The following DAPK1 variants were observed in gnomAD, a reference collection of about 807,000 sequenced individuals.
DAPK1 encodes death-associated protein kinase 1.
Under a neutral mutation model 144.9 loss-of-function variants are expected in DAPK1, and 56 were observed. The observed-to-expected ratio is 0.39, with a 90% CI of 0.31 to 0.48. The LOEUF (loss-of-function observed/expected upper bound fraction) is 0.48, where lower values mean the gene tolerates loss of function less well. Among genes scored for constraint, DAPK1 ranks in the 20% least tolerant of loss-of-function variants. DAPK1 has a pLI of 0.95. For missense variants in DAPK1, 1,454 were observed against 1,875.4 expected (o/e 0.78, Z 4.15); for synonymous variants, 690 against 749.0 (o/e 0.92, Z 1.29).
At chr9:87,622,045 T>C (rs1829313073) in intron 3 of DAPK1, among the ~76,000 whole-genome samples, 1 of 136,108 alleles carries the variant, frequency 7.3e-6, no homozygotes, top group Non-Finnish European at 1.5e-5. Flanking sequence ...TCATGCTGGC[T>C]GCCTTGCACT....
intron 3 of DAPK1, among the ~76,000 whole-genome samples, chr9:87,633,757 A>G (rs1286045751): frequency 1.3e-5 from 2 of 152,204 alleles, no homozygotes; most frequent in Admixed American, 1.3e-4. Flanking sequence ...TGAGCCTAGT[A>G]AACAAGCCCA....
chr9:87,582,133 T>TC (rs1827773318), intron 2 of DAPK1, among the ~76,000 whole-genome samples: 1 of 151,932 alleles, frequency 6.6e-6, no homozygotes, highest in Non-Finnish European at 1.5e-5. Flanking sequence ...TCTCCTCCGG[T>TC]CTTTTTTTTT....
intron 3 of DAPK1, among the ~76,000 whole-genome samples, chr9:87,620,448 C>T (rs961541881): frequency 6.6e-6 from 1 of 152,142 alleles, no homozygotes; most frequent in Non-Finnish European, 1.5e-5. Context: ...GCAGCACATC[C>T]TTCGGATCAG....
chr9:87,656,734 G>A (rs1195848561), intron 17 of DAPK1, among the ~76,000 whole-genome samples: 5 of 152,170 alleles, frequency 3.3e-5, no homozygotes, highest in East Asian at 1.9e-4. Flanking sequence ...GATCCCTCCC[G>A]TTACAGGCAT....
chr9:87,691,689 A>G (rs930686462), intron 21 of DAPK1, among the ~76,000 whole-genome samples: 1 of 151,734 alleles, frequency 6.6e-6, no homozygotes, highest in Non-Finnish European at 1.5e-5. Context: ...TTTGATTTTC[A>G]TTTGTTTCAA....
chr9:87,509,749 A>C (rs1042123775), intron 2 of DAPK1, among the ~76,000 whole-genome samples: 1 of 152,238 alleles, frequency 6.6e-6, no homozygotes, highest in Non-Finnish European at 1.5e-5. Flanking sequence ...AAGTCTCTAC[A>C]GTCAGTGTGT....
Position 87,635,360 on chromosome 9 carries a change from G to A in DAPK1, c.285-2583G>A, listed in dbSNP as rs149672653. On this transcript the variant is annotated intron_variant, in intron 3 of 25. Coordinates refer to ENST00000408954, the MANE Select transcript of DAPK1 (RefSeq NM_004938.4). ...TGACGTTTCTCATTGTCTGAAAAAT[G>A]CATCTCTGTACTCTAAGACAACACA... Among the ~76,000 whole-genome samples the A allele has an allele frequency of 4.9e-4, 75 of 152,196 alleles. 1 individual carries two copies. Among genetic ancestry groups the A allele is most frequent in the Non-Finnish European group, 8.2e-4 (56 of 68,022 alleles).
At chr9:87,646,149 C>T (rs1194024190) in intron 12 of DAPK1, 135 bp downstream of exon 12, 2 of 1,104,212 alleles carry the variant, frequency 1.8e-6, no homozygotes, top group African/African-American at 3.1e-5. Context: ...AAAATCACTT[C>T]TGTTTAGAAA....
intron 3 of DAPK1, chr9:87,633,154 G>A (rs1399775674): frequency 1.0e-6 from 1 of 983,094 alleles, no homozygotes; most frequent in Non-Finnish European, 1.2e-6. Context: ...GATGAAGGAG[G>A]ATGAGTATAT....
intron 2 of DAPK1, among the ~76,000 whole-genome samples, chr9:87,503,346 C>T (rs1015779085): frequency 6.6e-6 from 1 of 152,040 alleles, no homozygotes; most frequent in Non-Finnish European, 1.5e-5. Flanking sequence ...CTCACTGTAA[C>T]CTTGAACTCC....
intron 2 of DAPK1, among the ~76,000 whole-genome samples, chr9:87,552,701 C>T (rs1299236381): frequency 6.6e-6 from 1 of 151,940 alleles, no homozygotes; most frequent in Non-Finnish European, 1.5e-5. Context: ...AGGTGATCCT[C>T]CTGCCTCAGC....
chr9:87,601,846 G>A (rs77516909), intron 2 of DAPK1, among the ~76,000 whole-genome samples: 2,788 of 152,206 alleles, frequency 0.018, 87 homozygotes, highest in African/African-American at 0.063. Context: ...CAATTCTGTT[G>A]AACTATAATG....
chr9:87,537,971 C>T (rs532975469), intron 2 of DAPK1, among the ~76,000 whole-genome samples: 2 of 152,262 alleles, frequency 1.3e-5, no homozygotes, highest in Admixed American at 1.3e-4. Flanking sequence ...TTAGGAATTA[C>T]AGTTGTTTTA....
intron 2 of DAPK1, among the ~76,000 whole-genome samples, chr9:87,564,242 G>A (rs945525364): frequency 2.0e-5 from 3 of 152,174 alleles, no homozygotes; most frequent in African/African-American, 4.8e-5. Flanking sequence ...CTGGCACACA[G>A]TATGCTTGGT....
At chr9:87,653,699 A>AT (rs1335359923) in intron 17 of DAPK1, among the ~76,000 whole-genome samples, 2 of 120,174 alleles carry the variant, frequency 1.7e-5, no homozygotes, top group East Asian at 3.2e-4. Flanking sequence ...TATCATTATT[A>AT]TTATTTTTTT....
At chr9:87,646,375 A>G (rs1830265631) in intron 12 of DAPK1, 86 bp from the exon 13 acceptor site, 4 of 942,778 alleles carry the variant, frequency 4.2e-6, no homozygotes, top group Non-Finnish European at 6.9e-6. Context: ...AGACAGGGGA[A>G]GGTGTGTGGT....
chr9:87,642,049 A>G lies in DAPK1; in HGVS notation c.909A>G (p.Lys303=). The G allele has an allele frequency of 6.2e-7, 1 of 1,614,034 alleles. No homozygotes were observed. The highest frequency in any genetic ancestry group is 1.1e-5 in the South Asian group (1 of 91,078). The part of the protein sequence containing the change: ...MEKFKKFAAR[K]KWKQSVRLIS... ...AATTCAAGAAGTTTGCAGCCCGGAAAAAATGGAAAGTAAGATTGTTTGTTG... is the reference window on the plus strand; with the variant it reads ...AATTCAAGAAGTTTGCAGCCCGGAAGAAATGGAAAGTAAGATTGTTTGTTG... Residue 303 remains lysine, a synonymous_variant, in exon 10 of 26, where the codon AAA becomes AAG. Coordinates refer to ENST00000408954, the MANE Select transcript of DAPK1 (RefSeq NM_004938.4).
rs1824844882 is a variant in DAPK1 at position 87,686,245 on chromosome 9, T to C, written c.2225-306T>C. 6.6e-6 allele frequency among the ~76,000 whole-genome samples: 1 copy of C among 152,118 alleles called. No individual in the cohort carries two copies. Among genetic ancestry groups the C allele is most frequent in the Admixed American group, 6.5e-5 (1 of 15,276 alleles). The stretch of plus-strand genomic sequence containing the variant: ...CTCCCACCCTCTCCACAGCCTCCCG[T>C]TGGCTGACCCTAAGCAGAAATCACA... On this transcript the variant is annotated intron_variant, in intron 20 of 25. Transcript: ENST00000408954. The surrounding 1 kb of genome is among the most constrained non-coding windows in gnomAD (Gnocchi z 4.2).
At chr9:87,638,136 G>T in intron 4 of DAPK1, 55 bp downstream of exon 4, 1 of 1,514,998 alleles carries the variant, frequency 6.6e-7, no homozygotes, top group Non-Finnish European at 8.9e-7. Context: ...AGCCTTGGTT[G>T]TTTCTCTGCT....
Sources: allele counts gnomAD v4.1 joint callset (sites outside exome capture counted in the v4.1 genomes callset), GRCh38; gene constraint gnomAD v4.1.1; non-coding constraint Gnocchi (gnomAD v3.1); transcripts MANE v1.5; gene names NCBI Gene and HGNC (gene_info 2026-07-23, HGNC 2026-07-21).